Variants in NEURL1 observed in about 807,000 individuals in gnomAD.
NEURL1 encodes the protein neuralized E3 ubiquitin protein ligase 1, also known as E3 ubiquitin-protein ligase NEURL1.
NEURL1 carries 26 observed loss-of-function variants against 41.2 expected under a neutral mutation model. The ratio of observed to expected loss-of-function variants is 0.63; its 90% CI spans 0.46 to 0.87. The LOEUF is 0.87. NEURL1 is among the 40% of genes least tolerant of loss of function. The probability of loss-of-function intolerance (pLI) is 0.00; values close to 1 mark genes in which losing one functional copy is unlikely to be tolerated. For missense variants in NEURL1, 761 were observed against 871.1 expected (o/e 0.87, Z 1.59); for synonymous variants, 400 against 402.3 (o/e 0.99, Z 0.07).
intron 1 of NEURL1, among the ~76,000 whole-genome samples, chr10:103,505,245 A>G (rs1235755796): frequency 6.9e-6 from 1 of 144,100 alleles, no homozygotes; most frequent in South Asian, 2.2e-4. Flanking sequence ...TTTTTGGTAG[A>G]CGGAGTCTTG....
intron 1 of NEURL1, among the ~76,000 whole-genome samples, chr10:103,544,857 T>A (rs1215402388): frequency 6.6e-6 from 1 of 152,112 alleles, no homozygotes; most frequent in Non-Finnish European, 1.5e-5. Flanking sequence ...GAGCCCTGAC[T>A]GCCACCACCG....
intron 1 of NEURL1, among the ~76,000 whole-genome samples, chr10:103,548,542 C>T (rs1016734876): frequency 2.0e-5 from 3 of 151,956 alleles, no homozygotes; most frequent in Non-Finnish European, 2.9e-5. Flanking sequence ...AGGATGGTCT[C>T]GAACTCCTGA....
In NEURL1 at chr10:103,508,758, C is replaced by T. The variant is rs954720988; in HGVS notation, c.85+14286C>T. Among the ~76,000 whole-genome samples, 6 of 152,180 alleles carry T rather than the reference C, an allele frequency of 3.9e-5. No individual in the cohort carries two copies. Among genetic ancestry groups the T allele is most frequent in the Non-Finnish European group, 5.9e-5 (4 of 68,040 alleles). ...CAGAATGCCACTCACATGAAAGTTTCGGCCTCAGAGGGCAGCCCGCCAGGA... is the reference window on the plus strand; with the variant it reads ...CAGAATGCCACTCACATGAAAGTTTTGGCCTCAGAGGGCAGCCCGCCAGGA... On this transcript the variant is annotated intron_variant, in intron 1 of 5. Coordinates refer to ENST00000369780, the MANE Select transcript of NEURL1 (RefSeq NM_004210.5). This position sits in a 1 kb window ranked among gnomAD's most constrained non-coding sequence, Gnocchi z 4.3.
At chr10:103,538,525 AGTGCC>A in intron 1 of NEURL1, among the ~76,000 whole-genome samples, 2 of 149,668 alleles carry the variant, frequency 1.3e-5, no homozygotes, top group African/African-American at 4.9e-5. Context: ...GAGTAGAGAT[AGTGCC>A]ACTGCACTCC....
In NEURL1 at chr10:103,519,821, T is replaced by C. The variant is rs1453276327; in HGVS notation, c.85+25349T>C. Among the ~76,000 whole-genome samples, 3 of 152,024 alleles carry C rather than the reference T, an allele frequency of 2.0e-5. No individual in the cohort carries two copies. In the East Asian group the frequency reaches 5.8e-4, roughly 29 times the overall value. On this transcript the variant is annotated intron_variant, in intron 1 of 5. Transcript: ENST00000369780. ...TTTTTCGAGACAGGGTCTTGCTTTG[T>C]TGTCTAGGCTGGAGTACAGTGGCGT...
intron 3 of NEURL1, among the ~76,000 whole-genome samples, chr10:103,574,502 C>T (rs2035616606): frequency 1.3e-5 from 2 of 152,210 alleles, no homozygotes; most frequent in South Asian, 4.1e-4. Context: ...AAAGCAACAC[C>T]TTTCCCATTA....
At chr10:103,544,862 C>T (rs2034894720) in intron 1 of NEURL1, among the ~76,000 whole-genome samples, 2 of 152,314 alleles carry the variant, frequency 1.3e-5, no homozygotes, top group South Asian at 4.1e-4. Flanking sequence ...CTGACTGCCA[C>T]CACCGCCACC....
In NEURL1 at chr10:103,543,272, C is replaced by T. The variant is rs1186998262; in HGVS notation, c.86-27600C>T. On this transcript the variant is annotated intron_variant, in intron 1 of 5. Transcript: ENST00000369780. ...TGGCTCCCCCATGTTCCAGGACACA[C>T]CTGGCTGCGTGGCTTCTTGGCTCTT... is the stretch of plus-strand genomic sequence containing the variant. Among the ~76,000 whole-genome samples, 5 of 152,188 alleles carry T rather than the reference C, an allele frequency of 3.3e-5. No individual in the cohort carries two copies. The South Asian group carries it at 1.0e-3, about 31-fold the overall frequency.
chr10:103,554,046 C>G (rs185189499), intron 1 of NEURL1, among the ~76,000 whole-genome samples: 1 of 152,374 alleles, frequency 6.6e-6, no homozygotes, highest in African/African-American at 2.4e-5. Context: ...CTCTGTAAAA[C>G]AGATATCATC....
chr10:103,557,784 G>A (rs113378881), intron 1 of NEURL1, among the ~76,000 whole-genome samples: 9,067 of 152,366 alleles, frequency 0.06, 335 homozygotes, highest in Middle Eastern at 0.092. Flanking sequence ...GGGCCAGCGG[G>A]AGACGCAGGG....
intron 1 of NEURL1, among the ~76,000 whole-genome samples, chr10:103,529,621 A>G (rs1335057952): frequency 6.6e-6 from 1 of 152,270 alleles, no homozygotes; most frequent in Non-Finnish European, 1.5e-5. Context: ...GCACTTATGT[A>G]AATAACTATA....
intron 1 of NEURL1, chr10:103,549,197 T>C (rs950360546): frequency 6.6e-6 from 1 of 152,590 alleles, no homozygotes; most frequent in African/African-American, 2.4e-5. Context: ...TGCTTGGCAG[T>C]GGGCCTTGGC....
At chr10:103,564,375 G>A (rs1268055855) in intron 1 of NEURL1, among the ~76,000 whole-genome samples, 1 of 152,128 alleles carries the variant, frequency 6.6e-6, no homozygotes, top group East Asian at 1.9e-4. Flanking sequence ...GAGCCACGTG[G>A]CACAACTGGG....
At position 103,566,674 on chromosome 10, in the gene NEURL1, T is replaced by C. The variant is rs992297986; in HGVS notation, c.86-4198T>C. Among the ~76,000 whole-genome samples the C allele has an allele frequency of 6.6e-6, 1 of 152,204 alleles. No homozygotes were observed. Among genetic ancestry groups the C allele is most frequent in the African/African-American group, 2.4e-5 (1 of 41,440 alleles). ...TGCTGTACGTTTGTGTACAGGTCAT[T>C]GTGTGGACATGTTTTCATTTCTTGT... is the stretch of plus-strand genomic sequence containing the variant. On this transcript the variant is annotated intron_variant, in intron 1 of 5. Coordinates refer to ENST00000369780, the MANE Select transcript of NEURL1 (RefSeq NM_004210.5). This position sits in a 1 kb window ranked among gnomAD's most constrained non-coding sequence, Gnocchi z 4.2.
At chr10:103,536,559 C>CCTAT (rs199847655) in intron 1 of NEURL1, among the ~76,000 whole-genome samples, 1,602 of 152,042 alleles carry the variant, frequency 0.011, 20 homozygotes, top group African/African-American at 0.036. Context: ...TCTCTCTCTA[C>CCTAT]CTATCTATCT....
intron 3 of NEURL1, among the ~76,000 whole-genome samples, chr10:103,581,066 G>A (rs1485334332): frequency 2.0e-5 from 3 of 152,202 alleles, no homozygotes; most frequent in Non-Finnish European, 4.4e-5. Flanking sequence ...CTCAAGCCAA[G>A]CAAATACTAA....
intron 1 of NEURL1, among the ~76,000 whole-genome samples, chr10:103,567,698 C>T (rs2035455528): frequency 6.6e-6 from 1 of 152,222 alleles, no homozygotes; most frequent in Non-Finnish European, 1.5e-5. Context: ...TGCACCTGGC[C>T]TCTTAATGCT....
intron 1 of NEURL1, among the ~76,000 whole-genome samples, chr10:103,562,865 CAA>C (rs1426198745): frequency 2.0e-5 from 3 of 152,200 alleles, no homozygotes; most frequent in Non-Finnish European, 2.9e-5. Context: ...GCCTGGAAAT[CAA>C]AGACAGGTGT....
intron 1 of NEURL1, among the ~76,000 whole-genome samples, chr10:103,538,388 T>C (rs1388007076): frequency 6.6e-6 from 1 of 152,110 alleles, no homozygotes; most frequent in Admixed American, 6.5e-5. Flanking sequence ...GTGGACAGCA[T>C]GGTGAAACCC....
Sources: gnomAD v4.1 joint callset for allele counts (sites outside exome capture counted in the v4.1 genomes callset) on GRCh38, gnomAD v4.1.1 for gene constraint, Gnocchi (gnomAD v3.1) non-coding constraint, MANE v1.5 for transcripts, NCBI Gene and HGNC (gene_info 2026-07-23, HGNC 2026-07-21) for gene names.